Variants in SNX31 observed in about 807,000 individuals in gnomAD.
SNX31 encodes sorting nexin 31.
A neutral mutation model predicts 65.4 loss-of-function variants in SNX31; 58 were observed. That is an observed-to-expected ratio of 0.89 (90% CI 0.72 to 1.10). The LOEUF is 1.10. SNX31 is among the 50% of genes least tolerant of loss of function. SNX31 has a pLI of 0.00. For missense variants in SNX31, 523 were observed against 529.7 expected (o/e 0.99, Z 0.12); for synonymous variants, 181 against 190.1 (o/e 0.95, Z 0.39).
rs552037057 is a variant in SNX31 at position 100,621,123 on chromosome 8, G to A, written c.322-3393C>T. The stretch of plus-strand genomic sequence containing the variant: ...TGCACCACTGCACTCCAGCCTGGGC[G>A]ACAGAGCAAGACTCCATCTCAAAAA... On this transcript the variant is annotated intron_variant, in intron 4 of 13. Coordinates refer to ENST00000311812, the MANE Select transcript of SNX31 (RefSeq NM_152628.4). Among the ~76,000 whole-genome samples the A allele has an allele frequency of 5.2e-4, 79 of 152,192 alleles. 1 individual carries two copies. The highest frequency in any genetic ancestry group is 1.8e-3 in the African/African-American group (74 of 41,518).
At chr8:100,603,034 G>A (rs181602985) in intron 8 of SNX31, among the ~76,000 whole-genome samples, 94 of 152,222 alleles carry the variant, frequency 6.2e-4, no homozygotes, top group Non-Finnish European at 1.1e-3. Flanking sequence ...GCGAGTAAGT[G>A]GCAGGAGTTA....
intron 2 of SNX31, among the ~76,000 whole-genome samples, chr8:100,643,811 T>C (rs1819437031): frequency 6.6e-6 from 1 of 152,146 alleles, no homozygotes; most frequent in Non-Finnish European, 1.5e-5. Flanking sequence ...AAGCCTTCAT[T>C]CTGTCCCTTC....
intron 9 of SNX31, 111 bp from the exon 10 acceptor site, chr8:100,596,953 T>C (rs187721354): frequency 3.4e-6 from 3 of 874,168 alleles, no homozygotes; most frequent in Non-Finnish European, 5.6e-6. Context: ...GGATAATACA[T>C]GGAACTGAGT....
chr8:100,584,400 A>AT, intron 11 of SNX31, among the ~76,000 whole-genome samples: 1 of 152,208 alleles, frequency 6.6e-6, no homozygotes, highest in Non-Finnish European at 1.5e-5. Flanking sequence ...TTTACAGCAG[A>AT]TTTTTTAAAG....
At chr8:100,603,496 C>T (rs191039904) in intron 8 of SNX31, among the ~76,000 whole-genome samples, 31 of 141,808 alleles carry the variant, frequency 2.2e-4, no homozygotes, top group African/African-American at 5.6e-4. Context: ...AGTGCAATGG[C>T]GCAATCTCGG....
intron 5 of SNX31, among the ~76,000 whole-genome samples, chr8:100,617,362 T>A (rs1817301375): frequency 6.6e-6 from 1 of 152,136 alleles, no homozygotes; most frequent in Non-Finnish European, 1.5e-5. Context: ...TCCAAGGAAG[T>A]GACAGCAGCC....
chr8:100,609,880 T>C lies in SNX31; in HGVS notation c.612-1317A>G, dbSNP rs147586112. ...GTACCCTGTGGCCTGGAGGAAGCCA[T>C]ATCATCATCATTGGAGAGATGCACC... On this transcript the variant is annotated intron_variant, in intron 7 of 13. Coordinates refer to ENST00000311812, the MANE Select transcript of SNX31 (RefSeq NM_152628.4). This position sits in a 1 kb window ranked among gnomAD's most constrained non-coding sequence, Gnocchi z 4.9. Among the ~76,000 whole-genome samples, 591 of 152,208 alleles carry C rather than the reference T, an allele frequency of 3.9e-3. 5 individuals are homozygous for C. The highest frequency in any genetic ancestry group is 0.013 in the African/African-American group (560 of 41,548).
intron 1 of SNX31, among the ~76,000 whole-genome samples, chr8:100,659,731 T>G (rs1448081200): frequency 1.3e-5 from 2 of 152,232 alleles, no homozygotes; most frequent in Non-Finnish European, 2.9e-5. Flanking sequence ...AATTACTGTT[T>G]GTGTTTTGGT....
chr8:100,628,462 C>T (rs549808419), intron 4 of SNX31, among the ~76,000 whole-genome samples: 5 of 152,062 alleles, frequency 3.3e-5, no homozygotes, highest in African/African-American at 1.2e-4. Context: ...AAGCTGGAAA[C>T]CATCATTCTC....
chr8:100,627,779 C>T (rs978545543), intron 4 of SNX31, among the ~76,000 whole-genome samples: 3 of 152,016 alleles, frequency 2.0e-5, no homozygotes, highest in South Asian at 2.1e-4. Flanking sequence ...TCAGGTGATC[C>T]GCCCACCTCA....
At chr8:100,650,858 T>G (rs915501370), upstream of SNX31, among the ~76,000 whole-genome samples, 32 of 149,246 alleles carry the variant, frequency 2.1e-4, no homozygotes, top group Admixed American at 1.6e-3. Context: ...TTGTTTTTTT[T>G]TTTTTTGTTT....
intron 3 of SNX31, among the ~76,000 whole-genome samples, chr8:100,633,455 G>C (rs944902561): frequency 1.3e-5 from 2 of 152,102 alleles, no homozygotes; most frequent in African/African-American, 4.8e-5. Context: ...CCAGGCTGGA[G>C]TGCAATGGTG....
At position 100,614,818 on chromosome 8, in the gene SNX31, G is replaced by T. The variant is rs1817030276; in HGVS notation, c.433-1733C>A. 6.6e-6 allele frequency among the ~76,000 whole-genome samples: 1 copy of T among 152,178 alleles called. No homozygotes were observed. Among genetic ancestry groups the T allele is most frequent in the East Asian group, 1.9e-4 (1 of 5,202 alleles). On this transcript the variant is annotated intron_variant, in intron 5 of 13. Coordinates refer to ENST00000311812, the MANE Select transcript of SNX31 (RefSeq NM_152628.4). The surrounding 1 kb of genome is among the most constrained non-coding windows in gnomAD (Gnocchi z 5.1). ...CGCTTGAACCTGGGAGGCAGAGGTT[G>T]CAGTGAGCCAAGATTGTACCATTGC...
chr8:100,631,255 C>A (rs1327248228), intron 3 of SNX31, among the ~76,000 whole-genome samples: 1 of 152,080 alleles, frequency 6.6e-6, no homozygotes, highest in Admixed American at 6.6e-5. Flanking sequence ...ATGGGCAGAG[C>A]AGATGGGGCA....
chr8:100,650,362 C>T (rs1483232882), upstream of SNX31, among the ~76,000 whole-genome samples: 1 of 152,184 alleles, frequency 6.6e-6, no homozygotes, highest in Non-Finnish European at 1.5e-5. Context: ...CTTTAATCTA[C>T]CCGTAACTCT....
chr8:100,658,144 G>C (rs964815127), intron 1 of SNX31, among the ~76,000 whole-genome samples: 7 of 152,152 alleles, frequency 4.6e-5, no homozygotes, highest in African/African-American at 1.7e-4. Context: ...GGATGCTAAT[G>C]CTCCCGAAGT....
intron 3 of SNX31, among the ~76,000 whole-genome samples, chr8:100,631,437 CTTTTTTTT>C (rs10652417): frequency 1.5e-5 from 2 of 129,636 alleles, no homozygotes; most frequent in African/African-American, 6.1e-5. Context: ...TGCTGTTTTA[CTTTTTTTT>C]TTTTTTTTTT....
At chr8:100,590,388 T>G (rs1814465552) in intron 10 of SNX31, among the ~76,000 whole-genome samples, 1 of 150,554 alleles carries the variant, frequency 6.6e-6, no homozygotes, top group Non-Finnish European at 1.5e-5. Flanking sequence ...AGCTCAGGAG[T>G]TCAAAACCAG....
At chr8:100,657,706 G>A (rs1820074229) in intron 1 of SNX31, 1 of 455,834 alleles carries the variant, frequency 2.2e-6, no homozygotes, top group Non-Finnish European at 4.4e-6. Flanking sequence ...TCAGGGTCAC[G>A]GGAGATGGTG....
Sources: gnomAD v4.1 joint callset for allele counts (sites outside exome capture counted in the v4.1 genomes callset) on GRCh38, gnomAD v4.1.1 for gene constraint, Gnocchi (gnomAD v3.1) non-coding constraint, MANE v1.5 for transcripts, NCBI Gene and HGNC (gene_info 2026-07-23, HGNC 2026-07-21) for gene names.